MAP3K13: variants seen among roughly 807,000 people sequenced by gnomAD.
MAP3K13 encodes leucine zipper-bearing kinase.
A neutral mutation model predicts 104.0 loss-of-function variants in MAP3K13; 52 were observed. The ratio of observed to expected loss-of-function variants is 0.50; its 90% CI spans 0.40 to 0.63. MAP3K13 has a LOEUF of 0.63. Ranked by LOEUF, MAP3K13 falls within the 20% of genes least tolerant of loss-of-function variation. MAP3K13 has a pLI of 0.00. For missense variants in MAP3K13, 914 were observed against 1,218.5 expected (o/e 0.75, Z 3.72); for synonymous variants, 394 against 442.2 (o/e 0.89, Z 1.37).
At chr3:185,435,479 A>T (rs770635012) in intron 2 of MAP3K13, among the ~76,000 whole-genome samples, 4 of 152,252 alleles carry the variant, frequency 2.6e-5, no homozygotes, top group Non-Finnish European at 5.9e-5. Flanking sequence ...AAAGATAGTT[A>T]AAATAGCCAA....
chr3:185,459,611 G>A (rs556287828), intron 7 of MAP3K13, among the ~76,000 whole-genome samples: 1 of 151,878 alleles, frequency 6.6e-6, no homozygotes, highest in Non-Finnish European at 1.5e-5. Flanking sequence ...CATCATGCTG[G>A]CTAATTTTTT....
At chr3:185,283,989 C>A (rs1302836009) in intron 1 of MAP3K13, among the ~76,000 whole-genome samples, 1 of 147,778 alleles carries the variant, frequency 6.8e-6, no homozygotes, top group African/African-American at 2.5e-5. Flanking sequence ...ACCTCCGACC[C>A]CCTGGTTCAA....
chr3:185,359,979 T>C (rs1723537716), upstream of MAP3K13, among the ~76,000 whole-genome samples: 1 of 152,102 alleles, frequency 6.6e-6, no homozygotes, highest in South Asian at 2.1e-4. Flanking sequence ...GCTTATATTT[T>C]ATAGCAGAAT....
chr3:185,432,701 T>C (rs1290008468), intron 2 of MAP3K13, among the ~76,000 whole-genome samples: 1 of 152,188 alleles, frequency 6.6e-6, no homozygotes, highest in Non-Finnish European at 1.5e-5. Flanking sequence ...CCCATATGTT[T>C]GTCAAAAGGA....
intron 1 of MAP3K13, among the ~76,000 whole-genome samples, chr3:185,368,018 G>A (rs766778435): frequency 6.6e-6 from 1 of 152,326 alleles, no homozygotes; most frequent in Admixed American, 6.5e-5. Context: ...TTAGCCGGAT[G>A]TGGTGGCACA....
intron 2 of MAP3K13, among the ~76,000 whole-genome samples, chr3:185,354,627 TA>T (rs1723278002): frequency 6.6e-6 from 1 of 151,070 alleles, no homozygotes; most frequent in Admixed American, 6.6e-5. Flanking sequence ...GGCAGGGTAC[TA>T]AATGTGTTGC....
chr3:185,291,507 A>G (rs1264424065), intron 2 of MAP3K13: 12 of 988,212 alleles, frequency 1.2e-5, no homozygotes, highest in African/African-American at 1.7e-5. Context: ...TCAGCATGGT[A>G]TCTAGTAATC....
In MAP3K13 at chr3:185,454,733, T is replaced by TATGA. The variant is rs1553808212; in HGVS notation, c.1278+3338_1278+3339insATGA. 1.5e-3 allele frequency among the ~76,000 whole-genome samples: 53 copies of TATGA among 35,588 alleles called. 12 individuals are homozygous for TATGA. The highest frequency in any genetic ancestry group is 3.2e-3 in the Non-Finnish European group (45 of 14,212). The allele number at this position is 35,588 out of a possible 152,430, so 23.3% of individuals were successfully genotyped here. On this transcript the variant is annotated intron_variant, in intron 7 of 13. Transcript: ENST00000265026. ...ATATATGAGATATATATGATATATA[T>TATGA]GATATATATATCATATATATGAGAT...
At chr3:185,304,176 A>T (rs1360095620) in intron 2 of MAP3K13, among the ~76,000 whole-genome samples, 2 of 152,182 alleles carry the variant, frequency 1.3e-5, no homozygotes, top group Admixed American at 6.5e-5. Flanking sequence ...TGATTGGAAA[A>T]GATGCTTGGT....
Position 185,443,698 on chromosome 3 carries a change from A to G in MAP3K13, c.851+62A>G, listed in dbSNP as rs115725370. 2.5e-4 allele frequency: 364 copies of G among 1,434,684 alleles called. No individual in the cohort carries two copies. In the African/African-American group the frequency reaches 4.5e-3, roughly 18 times the overall value. The allele number at this position is 1,434,684 out of a possible 1,614,324, so 88.9% of individuals were successfully genotyped here. A position where few individuals can be genotyped will look rare whatever the true frequency, so the allele number is the denominator to read the frequency against. On this transcript the variant is annotated intron_variant, in intron 4 of 13. Transcript: ENST00000265026. ...TGTTGTTTTGAAATACAGAATTTTT[A>G]TCAACCTCAGTTGACGTTTTCAGAC...
intron 11 of MAP3K13, among the ~76,000 whole-genome samples, chr3:185,474,103 A>G (rs1386835389): frequency 6.6e-6 from 1 of 152,178 alleles, no homozygotes; most frequent in Non-Finnish European, 1.5e-5. Context: ...CAGGAGGATC[A>G]CTTGAGGTCA....
At chr3:185,475,744 G>A (rs188369604) in intron 11 of MAP3K13, among the ~76,000 whole-genome samples, 3 of 152,032 alleles carry the variant, frequency 2.0e-5, no homozygotes, top group South Asian at 4.2e-4. Flanking sequence ...CCAGGTACTC[G>A]GGAGGCTGAG....
chr3:185,418,445 G>A lies in MAP3K13; in HGVS notation c.-85-10052G>A, dbSNP rs1713924539. ...TTTTGGGTTGTGTTCACTCTACGAT[G>A]CCAACGGCGCCAGGTTTTGGTTGGT... On this transcript the variant is annotated intron_variant, in intron 1 of 13. Coordinates refer to ENST00000265026, the MANE Select transcript of MAP3K13 (RefSeq NM_004721.5). The surrounding 1 kb of genome is among the most constrained non-coding windows in gnomAD (Gnocchi z 4.5). 1.9e-6 allele frequency: 3 copies of A among 1,610,090 alleles called. No individual in the cohort carries two copies. Among genetic ancestry groups the A allele is most frequent in the African/African-American group, 1.3e-5 (1 of 74,822 alleles).
intron 2 of MAP3K13, among the ~76,000 whole-genome samples, chr3:185,300,189 C>CTTTTTTTTT (rs1273008667): frequency 1.6e-4 from 20 of 123,386 alleles, no homozygotes; most frequent in South Asian, 2.6e-4. Context: ...TCCTTCTTTT[C>CTTTTTTTTT]TTTTTTTTTT....
At chr3:185,415,137 TTTTTTA>T (rs1165609761) in intron 1 of MAP3K13, among the ~76,000 whole-genome samples, 8 of 152,198 alleles carry the variant, frequency 5.3e-5, no homozygotes, top group Non-Finnish European at 7.4e-5. Flanking sequence ...GTGGCATATA[TTTTTTA>T]TTTTTATTTT....
At position 185,484,015 on chromosome 3, in the gene MAP3K13, C is replaced by T. The variant is rs548055177; in HGVS notation, c.*1559C>T. ...GCATCAGCCACTGTGCCCGGCCTAT[C>T]TTAGAAGTCTTAATGACTGGCTACC... On this transcript the variant is annotated 3_prime_UTR_variant, in exon 14 of 14. Transcript: ENST00000265026. 6.6e-6 allele frequency: 1 copy of T among 152,244 alleles called. No individual in the cohort carries two copies. The highest frequency in any genetic ancestry group is 2.1e-4 in the South Asian group (1 of 4,822). The allele number at this position is 152,244 out of a possible 1,614,324, so 9.4% of individuals were successfully genotyped here.
intron 2 of MAP3K13, among the ~76,000 whole-genome samples, chr3:185,314,856 G>T (rs977727089): frequency 9.2e-5 from 14 of 152,004 alleles, no homozygotes; most frequent in Non-Finnish European, 1.9e-4. Flanking sequence ...GCCCAGGCTG[G>T]TCTCAAACTC....
chr3:185,333,621 A>G (rs1170347964), intron 2 of MAP3K13, among the ~76,000 whole-genome samples: 11 of 152,220 alleles, frequency 7.2e-5, no homozygotes, highest in Non-Finnish European at 1.5e-4. Flanking sequence ...GGCTGGGCAC[A>G]GTGGGCTCAA....
At chr3:185,352,698 G>A (rs1266607307) in intron 2 of MAP3K13, among the ~76,000 whole-genome samples, 1 of 152,106 alleles carries the variant, frequency 6.6e-6, no homozygotes, top group Non-Finnish European at 1.5e-5. Context: ...TAGATGGCAT[G>A]CATTAAAAAA....
Sources: gnomAD v4.1 joint callset for allele counts (sites outside exome capture counted in the v4.1 genomes callset) on GRCh38, gnomAD v4.1.1 for gene constraint, Gnocchi (gnomAD v3.1) non-coding constraint, MANE v1.5 for transcripts, NCBI Gene and HGNC (gene_info 2026-07-23, HGNC 2026-07-21) for gene names.